CACNA2D2: variants seen among roughly 807,000 people sequenced by gnomAD.
CACNA2D2 encodes voltage-dependent calcium channel subunit alpha-2/delta-2.
In CACNA2D2, 48 loss-of-function variants were observed where a neutral mutation model predicts 166.4. The observed-to-expected ratio is 0.29, with a 90% CI of 0.23 to 0.37. The LOEUF (loss-of-function observed/expected upper bound fraction) is 0.37. CACNA2D2 is among the 10% of genes least tolerant of loss of function. CACNA2D2 has a pLI of 1.00. For synonymous variants in CACNA2D2, 561 were observed against 573.7 expected (o/e 0.98, Z 0.32); for missense variants, 1,122 against 1,433.0 (o/e 0.78, Z 3.50).
chr3:50,451,194 C>T (rs560408275), intron 2 of CACNA2D2, among the ~76,000 whole-genome samples: 2 of 152,094 alleles, frequency 1.3e-5, no homozygotes, highest in South Asian at 2.1e-4. Context: ...GGCGCGATCT[C>T]GGCTCATTGC....
chr3:50,501,868 C>A (rs2107198318), intron 1 of CACNA2D2, among the ~76,000 whole-genome samples: 1 of 152,296 alleles, frequency 6.6e-6, no homozygotes, highest in Admixed American at 6.5e-5. Flanking sequence ...CGATTCTTTT[C>A]TCCCTGGGCA....
rs374676544 is a variant in CACNA2D2 at position 50,367,511 on chromosome 3, G to A, written c.2298-14C>T. 6 of 1,612,920 alleles carry A rather than the reference G, an allele frequency of 3.7e-6. No individual in the cohort carries two copies. The African/African-American group carries it at 6.7e-5, about 18-fold the overall frequency. On this transcript the variant is annotated splice_polypyrimidine_tract_variant and intron_variant, in intron 26 of 37. Transcript: ENST00000424201. This position sits in a 1 kb window ranked among gnomAD's most constrained non-coding sequence, Gnocchi z 6.5. ...TCCTCAGCTGCCCTGGAGCACCCAAGAGGCAGACTGGTAGGTAAGGGGTGG... is the reference window on the plus strand; with the variant it reads ...TCCTCAGCTGCCCTGGAGCACCCAAAAGGCAGACTGGTAGGTAAGGGGTGG...
In CACNA2D2 at chr3:50,364,222, T is replaced by G. The variant is rs1704086468; in HGVS notation, c.*444A>C. On this transcript the variant is annotated 3_prime_UTR_variant, in exon 38 of 38. Transcript: ENST00000424201. Reference sequence around the variant, plus strand: ...AGGATTTAAGCTGGGAGGCACAGGCTTCAAACTGGCCATCTCACCTTCCTC... The same window carrying G: ...AGGATTTAAGCTGGGAGGCACAGGCGTCAAACTGGCCATCTCACCTTCCTC... The G allele has an allele frequency of 5.7e-6, 1 of 176,036 alleles. No individual in the cohort carries two copies. Among genetic ancestry groups the G allele is most frequent in the Non-Finnish European group, 1.2e-5 (1 of 83,644 alleles). 10.9% of individuals were successfully genotyped at this position (176,036 alleles called of 1,614,324 possible). A position where few individuals can be genotyped will look rare whatever the true frequency, so the allele number is the denominator to read the frequency against.
At chr3:50,429,357 A>G (rs1489405132) in intron 3 of CACNA2D2, among the ~76,000 whole-genome samples, 2 of 152,092 alleles carry the variant, frequency 1.3e-5, no homozygotes, top group African/African-American at 4.8e-5. Flanking sequence ...GAGGATTCAG[A>G]GCAATACAGA....
At chr3:50,492,708 G>A (rs1698568544) in intron 1 of CACNA2D2, among the ~76,000 whole-genome samples, 1 of 152,204 alleles carries the variant, frequency 6.6e-6, no homozygotes, top group African/African-American at 2.4e-5. Flanking sequence ...CAGGCCGAGT[G>A]AGAAATAAAC....
rs201219697 is a variant in CACNA2D2 at position 50,438,652 on chromosome 3, C to T, written c.289-4223G>A. On this transcript the variant is annotated intron_variant, in intron 2 of 37. Transcript: ENST00000424201. ...AGAGGAGTCCAACTACCAGCCCCAA[C>T]GTGCCTGGAACATAGAGACAGCCAC... is the stretch of plus-strand genomic sequence containing the variant. Among the ~76,000 whole-genome samples, 14 of 152,260 alleles carry T rather than the reference C, an allele frequency of 9.2e-5. No individual in the cohort carries two copies. The East Asian group carries it at 2.3e-3, about 25-fold the overall frequency.
At chr3:50,457,554 C>G (rs529056624) in intron 2 of CACNA2D2, among the ~76,000 whole-genome samples, 1 of 152,320 alleles carries the variant, frequency 6.6e-6, no homozygotes, top group African/African-American at 2.4e-5. Context: ...CCATCCCTGG[C>G]CCCAGGTGCT....
intron 3 of CACNA2D2, among the ~76,000 whole-genome samples, chr3:50,428,511 G>A (rs533206974): frequency 6.6e-6 from 1 of 152,300 alleles, no homozygotes; most frequent in South Asian, 2.1e-4. Flanking sequence ...GGGTTAAGTG[G>A]CCATTAGCAG....
chr3:50,442,858 TC>T (rs1403173757), intron 2 of CACNA2D2, among the ~76,000 whole-genome samples: 2 of 152,280 alleles, frequency 1.3e-5, no homozygotes, highest in East Asian at 3.9e-4. Flanking sequence ...CCTGGACAGT[TC>T]CAGCCTCCAG....
At position 50,435,866 on chromosome 3, in the gene CACNA2D2, G is replaced by A. The variant is rs1008453729; in HGVS notation, c.289-1437C>T. The stretch of plus-strand genomic sequence containing the variant: ...CGCAGAGTAGTGGCAATAAGGGGGC[G>A]AGACTTGAGGCCTGGCCACATGGCC... On this transcript the variant is annotated intron_variant, in intron 2 of 37. Coordinates refer to ENST00000424201, the MANE Select transcript of CACNA2D2 (RefSeq NM_006030.4). 8.7e-4 allele frequency among the ~76,000 whole-genome samples: 132 copies of A among 152,324 alleles called. 1 individual carries two copies. Among genetic ancestry groups the A allele is most frequent in the Non-Finnish European group, 1.3e-4 (9 of 68,026 alleles).
chr3:50,482,144 G>A (rs775194671), intron 1 of CACNA2D2, among the ~76,000 whole-genome samples: 1 of 152,202 alleles, frequency 6.6e-6, no homozygotes, highest in Non-Finnish European at 1.5e-5. Flanking sequence ...CCCCATCCCA[G>A]CCTGGAGAAG....
At position 50,503,385 on chromosome 3, in the gene CACNA2D2, G is replaced by A. The variant is rs914695299; in HGVS notation, c.39C>T (p.Pro13=). 23 of 250,446 alleles carry A rather than the reference G, an allele frequency of 9.2e-5. No homozygotes were observed. Among genetic ancestry groups the A allele is most frequent in the Non-Finnish European group, 7.5e-6 (1 of 133,358 alleles). 15.5% of individuals were successfully genotyped at this position (250,446 alleles called of 1,614,324 possible). ...AGGGGCGCGCAGTCCGCGCTGGGCC[G>A]GGCCGAGAGGCGCCGCAGGTCCGAG... ...VPARTCGASR[P]GPARTARPWP... Residue 13 remains proline, a synonymous_variant, in exon 1 of 38, where the codon CCC becomes CCT. Coordinates refer to ENST00000424201, the MANE Select transcript of CACNA2D2 (RefSeq NM_006030.4).
chr3:50,439,150 C>T (rs780773228), intron 2 of CACNA2D2, among the ~76,000 whole-genome samples: 8 of 152,150 alleles, frequency 5.3e-5, no homozygotes, highest in African/African-American at 1.9e-4. Flanking sequence ...GAAGGCAAAG[C>T]CATGGGAAAA....
rs61642846 is a variant in CACNA2D2 at position 50,470,599 on chromosome 3, CGGGG to C, written c.288+5515_288+5518del. ...TGTGTGTGTATATGGGGGGAGGGGG[CGGGG>C]GGGGGGGGTGGTGGTCAAGATGGCA... On this transcript the variant is annotated intron_variant, in intron 2 of 37. Transcript: ENST00000424201. 2.2e-4 allele frequency among the ~76,000 whole-genome samples: 19 copies of C among 87,564 alleles called. No individual in the cohort carries two copies. The East Asian group carries it at 2.4e-3, about 11-fold the overall frequency. 57.4% of individuals were successfully genotyped at this position (87,564 alleles called of 152,430 possible). A position where few individuals can be genotyped will look rare whatever the true frequency, so the allele number is the denominator to read the frequency against.
intron 6 of CACNA2D2, among the ~76,000 whole-genome samples, chr3:50,383,256 A>C (rs1705427476): frequency 6.6e-6 from 1 of 152,022 alleles, no homozygotes; most frequent in African/African-American, 2.4e-5. Context: ...CCCTGGCCTG[A>C]GGCTGCCCAG....
chr3:50,484,160 T>C (rs575401491), intron 1 of CACNA2D2, among the ~76,000 whole-genome samples: 2 of 152,324 alleles, frequency 1.3e-5, no homozygotes, highest in South Asian at 4.1e-4. Context: ...TCAAAGACTC[T>C]GGGTGACCTA....
intron 2 of CACNA2D2, among the ~76,000 whole-genome samples, chr3:50,465,294 C>T (rs1033190776): frequency 3.3e-5 from 5 of 152,152 alleles, no homozygotes; most frequent in South Asian, 2.1e-4. Flanking sequence ...TGTGAAAGTC[C>T]GTCTTTAGAA....
chr3:50,487,061 T>G (rs183175135), intron 1 of CACNA2D2, among the ~76,000 whole-genome samples: 1 of 152,250 alleles, frequency 6.6e-6, no homozygotes, highest in East Asian at 1.9e-4. Context: ...CATGCCCACT[T>G]CACGGATGAG....
In CACNA2D2 at chr3:50,364,586, G is replaced by T. The variant is rs1704105766; in HGVS notation, c.*80C>A. ...AGTGAGGGAGGGACGAGGCTCTAAGGCGGGGAGTGTGGGGCAGGAGGGTGG... is the reference window on the plus strand; with the variant it reads ...AGTGAGGGAGGGACGAGGCTCTAAGTCGGGGAGTGTGGGGCAGGAGGGTGG... On this transcript the variant is annotated 3_prime_UTR_variant, in exon 38 of 38. Coordinates refer to ENST00000424201, the MANE Select transcript of CACNA2D2 (RefSeq NM_006030.4). The T allele has an allele frequency of 4.2e-6, 6 of 1,414,294 alleles. No homozygotes were observed. The highest frequency in any genetic ancestry group is 5.6e-6 in the Non-Finnish European group (6 of 1,075,038). 87.6% of individuals were successfully genotyped at this position (1,414,294 alleles called of 1,614,324 possible).
Sources: allele counts gnomAD v4.1 joint callset (sites outside exome capture counted in the v4.1 genomes callset), GRCh38; gene constraint gnomAD v4.1.1; non-coding constraint Gnocchi (gnomAD v3.1); transcripts MANE v1.5; gene names NCBI Gene and HGNC (gene_info 2026-07-23, HGNC 2026-07-21).